Variants in KIF26B observed in about 807,000 individuals in gnomAD.
The protein encoded by KIF26B is kinesin-like protein KIF26B.
A neutral mutation model predicts 151.2 loss-of-function variants in KIF26B; 63 were observed. The ratio of observed to expected loss-of-function variants is 0.42; its 90% CI spans 0.34 to 0.51. The LOEUF is 0.51. Among genes scored for constraint, KIF26B ranks in the 20% least tolerant of loss-of-function variants. KIF26B has a pLI of 0.07. For missense variants in KIF26B, 2,813 were observed against 2,913.6 expected (o/e 0.97, Z 0.79); for synonymous variants, 1,357 against 1,262.1 (o/e 1.08, Z -1.59).
At chr1:245,633,097 G>T (rs2043798592) in intron 9 of KIF26B, among the ~76,000 whole-genome samples, 1 of 151,770 alleles carries the variant, frequency 6.6e-6, no homozygotes, top group African/African-American at 2.4e-5. Flanking sequence ...TTAATATAAT[G>T]ACCTTATTTG....
intron 2 of KIF26B, among the ~76,000 whole-genome samples, chr1:245,211,053 G>A (rs1302556363): frequency 4.6e-5 from 7 of 152,186 alleles, no homozygotes; most frequent in African/African-American, 1.7e-4. Flanking sequence ...TGCTTGTATA[G>A]GCCTTGTGTC....
Position 245,708,690 on chromosome 1 carries a change from C to T in KIF26B, c.*6084C>T, listed in dbSNP as rs545452046. ...GAGTTCTAATTCCAGCTTTGCCAGT[C>T]GTCCCGTCCGTGATATATTACCTAA... is the stretch of plus-strand genomic sequence containing the variant. On this transcript the variant is annotated 3_prime_UTR_variant, in exon 15 of 15. Transcript: ENST00000407071. The T allele has an allele frequency of 7.9e-5, 12 of 152,234 alleles. No individual in the cohort carries two copies. The highest frequency in any genetic ancestry group is 2.1e-4 in the South Asian group (1 of 4,820). The allele number at this position is 152,234 out of a possible 1,614,324, so 9.4% of individuals were successfully genotyped here. A position where few individuals can be genotyped will look rare whatever the true frequency, so the allele number is the denominator to read the frequency against.
chr1:245,412,716 C>T (rs1345610728), intron 3 of KIF26B, among the ~76,000 whole-genome samples: 2 of 152,178 alleles, frequency 1.3e-5, no homozygotes, highest in African/African-American at 4.8e-5. Context: ...TACCAAGCTC[C>T]TCATACTGAG....
intron 12 of KIF26B, among the ~76,000 whole-genome samples, chr1:245,697,798 G>A (rs1049361904): frequency 1.3e-5 from 2 of 152,120 alleles, no homozygotes; most frequent in Non-Finnish European, 2.9e-5. Context: ...CCAGCACTTC[G>A]GGAGATTAAG....
At chr1:245,670,405 TTA>T (rs2044271743) in intron 10 of KIF26B, among the ~76,000 whole-genome samples, 1 of 151,648 alleles carries the variant, frequency 6.6e-6, no homozygotes, top group South Asian at 2.1e-4. Flanking sequence ...CTGTGTAAGT[TTA>T]GAGTGTAGTA....
intron 4 of KIF26B, among the ~76,000 whole-genome samples, chr1:245,479,552 G>T (rs944747589): frequency 4.0e-5 from 6 of 151,748 alleles, no homozygotes; most frequent in African/African-American, 1.4e-4. Context: ...GAGGAGGAAT[G>T]GTTGTTTGGT....
chr1:245,370,618 G>T lies in KIF26B; in HGVS notation c.999+3251G>T. On this transcript the variant is annotated intron_variant, in intron 3 of 14. Transcript: ENST00000407071. The stretch of plus-strand genomic sequence containing the variant: ...CACACGTGGCAGGGGCCGGTTAGAA[G>T]ACTCGGCGGCTGCGCCAGCGCTGAT... The T allele has an allele frequency of 1.1e-5, 5 of 456,742 alleles. 1 individual carries two copies. Among genetic ancestry groups the T allele is most frequent in the South Asian group, 7.7e-5 (5 of 64,560 alleles). The allele number at this position is 456,742 out of a possible 1,614,324, so 28.3% of individuals were successfully genotyped here. A position where few individuals can be genotyped will look rare whatever the true frequency, so the allele number is the denominator to read the frequency against.
At chr1:245,620,695 C>A (rs990060948) in intron 9 of KIF26B, among the ~76,000 whole-genome samples, 1 of 152,180 alleles carries the variant, frequency 6.6e-6, no homozygotes, top group Non-Finnish European at 1.5e-5. Flanking sequence ...AGCCATGGTA[C>A]CCGTCCAAAA....
intron 2 of KIF26B, among the ~76,000 whole-genome samples, chr1:245,309,767 G>A (rs1203833563): frequency 1.4e-5 from 2 of 146,730 alleles, no homozygotes; most frequent in Non-Finnish European, 1.5e-5. Context: ...GAGAACTCTG[G>A]CGAATACAGA....
chr1:245,372,942 G>A (rs996725275), intron 3 of KIF26B, among the ~76,000 whole-genome samples: 2 of 152,162 alleles, frequency 1.3e-5, no homozygotes. Flanking sequence ...ACCTCATGGG[G>A]TGATTATAGG....
chr1:245,355,925 C>T (rs1448770072), intron 2 of KIF26B, among the ~76,000 whole-genome samples: 1 of 152,178 alleles, frequency 6.6e-6, no homozygotes, highest in African/African-American at 2.4e-5. Context: ...TCTTCCTTCT[C>T]CCTGCCTCCT....
At chr1:245,308,203 G>A (rs1671595048) in intron 2 of KIF26B, among the ~76,000 whole-genome samples, 1 of 152,160 alleles carries the variant, frequency 6.6e-6, no homozygotes, top group Non-Finnish European at 1.5e-5. Context: ...AGAAATACTT[G>A]TCATCACGCT....
chr1:245,508,530 T>G (rs1050002052), intron 4 of KIF26B, among the ~76,000 whole-genome samples: 12 of 152,210 alleles, frequency 7.9e-5, no homozygotes, highest in Non-Finnish European at 1.5e-4. Context: ...ACTTTTAATC[T>G]ACAGTTCCTC....
At chr1:245,467,561 A>T (rs2103061658) in intron 4 of KIF26B, among the ~76,000 whole-genome samples, 1 of 152,226 alleles carries the variant, frequency 6.6e-6, no homozygotes, top group East Asian at 1.9e-4. Context: ...TGAATTCCTA[A>T]TGGGCCCCAC....
chr1:245,324,779 C>T (rs1027490104), intron 2 of KIF26B, among the ~76,000 whole-genome samples: 10 of 152,008 alleles, frequency 6.6e-5, no homozygotes, highest in Non-Finnish European at 1.3e-4. Context: ...CACGGCAGGA[C>T]AACCCAAGAT....
At chr1:245,681,829 T>TA (rs2044443623) in intron 10 of KIF26B, among the ~76,000 whole-genome samples, 2 of 152,272 alleles carry the variant, frequency 1.3e-5, no homozygotes, top group African/African-American at 4.8e-5. Context: ...TAATTCATTA[T>TA]TTTGAAGAAA....
Position 245,686,811 on chromosome 1 carries a change from T to C in KIF26B, c.3828T>C (p.Ser1276=). 6.2e-7 allele frequency: 1 copy of C among 1,613,572 alleles called. No homozygotes were observed. The highest frequency in any genetic ancestry group is 8.5e-7 in the Non-Finnish European group (1 of 1,179,816). ...CCCAGGACGCAGGGAGCAGACGCTCTTCCATCAGCTCCTGGCTGAGCGAGA... is the reference window on the plus strand; with the variant it reads ...CCCAGGACGCAGGGAGCAGACGCTCCTCCATCAGCTCCTGGCTGAGCGAGA... ...EKAQDAGSRR[S]SISSWLSEMS... Residue 1276 remains serine, a synonymous_variant, in exon 12 of 15, where the codon TCT becomes TCC. Coordinates refer to ENST00000407071, the MANE Select transcript of KIF26B (RefSeq NM_018012.4). This position sits in a 1 kb window ranked among gnomAD's most constrained non-coding sequence, Gnocchi z 5.6.
chr1:245,260,189 C>G (rs1352022839), intron 2 of KIF26B, among the ~76,000 whole-genome samples: 1 of 152,070 alleles, frequency 6.6e-6, no homozygotes, highest in Non-Finnish European at 1.5e-5. Flanking sequence ...GTTTGCCTGC[C>G]CCTCCCTTCA....
At chr1:245,518,320 CATGGGTCAATA>C (rs1426932232) in intron 4 of KIF26B, among the ~76,000 whole-genome samples, 2 of 152,166 alleles carry the variant, frequency 1.3e-5, no homozygotes, top group Non-Finnish European at 2.9e-5. Flanking sequence ...AACAGTAGAT[CATGGGTCAATA>C]ATGGGCCCAC....
Sources: gnomAD v4.1 joint callset for allele counts (sites outside exome capture counted in the v4.1 genomes callset) on GRCh38, gnomAD v4.1.1 for gene constraint, Gnocchi (gnomAD v3.1) non-coding constraint, MANE v1.5 for transcripts, NCBI Gene and HGNC (gene_info 2026-07-23, HGNC 2026-07-21) for gene names.